The following KIFAP3 variants were observed in gnomAD, a reference collection of about 807,000 sequenced individuals.
KIFAP3 encodes kinesin-associated protein 3.
A neutral mutation model predicts 106.5 loss-of-function variants in KIFAP3; 68 were observed. That is an observed-to-expected ratio of 0.64 (90% CI 0.53 to 0.78). KIFAP3 has a LOEUF of 0.78. KIFAP3 is among the 30% of genes least tolerant of loss of function. KIFAP3 has a pLI of 0.00. For missense variants in KIFAP3, 780 were observed against 941.8 expected, an observed-to-expected ratio of 0.83 and a Z score of 2.25; for synonymous variants, 320 against 311.5, an observed-to-expected ratio of 1.03 and a Z score of -0.29.
chr1:170,058,191 T>C (rs954472447), intron 1 of KIFAP3, among the ~76,000 whole-genome samples: 1 of 152,212 alleles, frequency 6.6e-6, no homozygotes, highest in Non-Finnish European at 1.5e-5. Context: ...CACCCATTCA[T>C]TATCAATTTT....
At chr1:169,949,931 T>C (rs779007869) in intron 19 of KIFAP3, among the ~76,000 whole-genome samples, 4 of 152,136 alleles carry the variant, frequency 2.6e-5, no homozygotes, top group Non-Finnish European at 5.9e-5. Context: ...TCTTATAGAA[T>C]GGGATAGATG....
Position 169,986,837 on chromosome 1 carries a change from C to G in KIFAP3, c.1285-2147G>C, listed in dbSNP as rs151156936. Among the ~76,000 whole-genome samples the G allele has an allele frequency of 4.1e-4, 63 of 151,820 alleles. No individual in the cohort carries two copies. In the East Asian group the frequency reaches 0.011, roughly 26 times the overall value. ...TCAACCTTTGTAGTATGAAAATTAG[C>G]CTTAAACACAGGGCTACAGGTCATT... is the stretch of plus-strand genomic sequence containing the variant. On this transcript the variant is annotated intron_variant, in intron 11 of 19. Coordinates refer to ENST00000361580, the MANE Select transcript of KIFAP3 (RefSeq NM_014970.4).
At chr1:169,964,044 T>C (rs932801552) in intron 17 of KIFAP3, among the ~76,000 whole-genome samples, 3 of 152,146 alleles carry the variant, frequency 2.0e-5, no homozygotes, top group African/African-American at 4.8e-5. Context: ...AAATAGACTA[T>C]TCAGATATAA....
At chr1:170,013,988 C>T (rs1668380737) in intron 10 of KIFAP3, among the ~76,000 whole-genome samples, 1 of 152,136 alleles carries the variant, frequency 6.6e-6, no homozygotes, top group Non-Finnish European at 1.5e-5. Flanking sequence ...TCTATCATCA[C>T]CCACATCCAA....
chr1:170,026,829 G>A (rs531870051), intron 8 of KIFAP3, among the ~76,000 whole-genome samples: 5 of 152,256 alleles, frequency 3.3e-5, no homozygotes, highest in South Asian at 4.2e-4. Context: ...TCTTACCTCC[G>A]TAGTGGGAAA....
rs16862911 is a variant in KIFAP3, at chr1:170,001,596, A to G, written c.1184-9341T>C. ...AAATGTAGGTTTATTTATAGGATAAATGAGGCCTATTAAAATTGAGAAACA... is the reference window on the plus strand; with the variant it reads ...AAATGTAGGTTTATTTATAGGATAAGTGAGGCCTATTAAAATTGAGAAACA... On this transcript the variant is annotated intron_variant, in intron 10 of 19. Coordinates refer to ENST00000361580, the MANE Select transcript of KIFAP3 (RefSeq NM_014970.4). 1.7e-3 allele frequency among the ~76,000 whole-genome samples: 265 copies of G among 152,266 alleles called. 3 individuals carry two copies. In the East Asian group the frequency reaches 0.04, roughly 23 times the overall value.
At chr1:169,939,933 A>T (rs1390254806) in intron 19 of KIFAP3, among the ~76,000 whole-genome samples, 1 of 152,182 alleles carries the variant, frequency 6.6e-6, no homozygotes, top group Non-Finnish European at 1.5e-5. Context: ...GAAGTTTTGG[A>T]TAAAGGGAAT....
chr1:170,020,583 G>T (rs566122047), intron 9 of KIFAP3, among the ~76,000 whole-genome samples: 102 of 152,262 alleles, frequency 6.7e-4, no homozygotes, highest in African/African-American at 2.4e-3. Flanking sequence ...GAGTAGCTGG[G>T]ACTACAGGTG....
At chr1:170,060,674 T>A (rs180799925) in intron 1 of KIFAP3, among the ~76,000 whole-genome samples, 2 of 152,262 alleles carry the variant, frequency 1.3e-5, no homozygotes, top group Admixed American at 1.3e-4. Flanking sequence ...AAAGTTCACA[T>A]GGAACCAAAA....
intron 16 of KIFAP3, among the ~76,000 whole-genome samples, chr1:169,973,438 C>T (rs1666045051): frequency 5.9e-5 from 2 of 33,690 alleles, no homozygotes; most frequent in Admixed American, 8.0e-4. Flanking sequence ...AGAAAACTTT[C>T]CTGAAATTAA....
intron 19 of KIFAP3, among the ~76,000 whole-genome samples, chr1:169,926,426 T>C (rs533986087): frequency 2.0e-5 from 3 of 152,198 alleles, no homozygotes; most frequent in Non-Finnish European, 4.4e-5. Context: ...GTGATACTTA[T>C]GATGTGATCT....
rs1368795996 is a variant in KIFAP3, at chr1:169,966,085, TCTTA to T, written c.1984-4854_1984-4851del. Among the ~76,000 whole-genome samples the T allele has an allele frequency of 5.9e-5, 9 of 152,060 alleles. No homozygotes were observed. In the East Asian group the frequency reaches 1.7e-3, roughly 29 times the overall value. On this transcript the variant is annotated intron_variant, in intron 17 of 19. Transcript: ENST00000361580. ...AATGATACAGATTGTACTATCATTT[TCTTA>T]CTTAAAATAATTGTATTCTAACTTT...
At chr1:169,954,677 T>C (rs1179730540) in intron 18 of KIFAP3, among the ~76,000 whole-genome samples, 3 of 152,184 alleles carry the variant, frequency 2.0e-5, no homozygotes, top group Admixed American at 1.3e-4. Context: ...TTAGAAATCT[T>C]CATATAGTTT....
chr1:169,973,031 T>C (rs1666001423), intron 16 of KIFAP3, among the ~76,000 whole-genome samples: 1 of 145,260 alleles, frequency 6.9e-6, no homozygotes, highest in Non-Finnish European at 1.5e-5. Context: ...GAAGGCATGA[T>C]AAAACATTTT....
intron 2 of KIFAP3, among the ~76,000 whole-genome samples, chr1:170,053,285 A>G (rs1225174298): frequency 6.6e-6 from 1 of 152,194 alleles, no homozygotes; most frequent in Non-Finnish European, 1.5e-5. Flanking sequence ...TACAACTTAC[A>G]AGGTATGTGA....
At position 170,019,950 on chromosome 1, in the gene KIFAP3, G is replaced by C. The variant is rs572930691; in HGVS notation, c.1021-3326C>G. Among the ~76,000 whole-genome samples, 152 of 152,294 alleles carry C rather than the reference G, an allele frequency of 1.0e-3. No individual in the cohort carries two copies. In the Middle Eastern group the frequency reaches 0.017, roughly 17 times the overall value. On this transcript the variant is annotated intron_variant, in intron 9 of 19. Coordinates refer to ENST00000361580, the MANE Select transcript of KIFAP3 (RefSeq NM_014970.4). ...TAGAAAATCTCCAAAATCTGTGAGA[G>C]AGTCAGTACAACTAAAAAGTGTGTT... is the stretch of plus-strand genomic sequence containing the variant.
At chr1:169,924,329 G>A (rs965421489) in intron 19 of KIFAP3, among the ~76,000 whole-genome samples, 2 of 152,096 alleles carry the variant, frequency 1.3e-5, no homozygotes, top group Admixed American at 6.6e-5. Context: ...ACATCTGTGT[G>A]TATTACAGTG....
intron 9 of KIFAP3, among the ~76,000 whole-genome samples, chr1:170,016,918 C>G (rs934274288): frequency 1.3e-5 from 2 of 152,082 alleles, no homozygotes; most frequent in African/African-American, 4.8e-5. Context: ...AGTACCAGGC[C>G]CTATGCAAAG....
At chr1:170,003,604 T>G (rs1667778374) in intron 10 of KIFAP3, among the ~76,000 whole-genome samples, 1 of 18,216 alleles carries the variant, frequency 5.5e-5, no homozygotes, top group African/African-American at 7.6e-4. Context: ...TGCTGCCTTT[T>G]GTCTGTTTGT....
Sources: gnomAD v4.1 joint callset for allele counts (sites outside exome capture counted in the v4.1 genomes callset) on GRCh38, gnomAD v4.1.1 for gene constraint, MANE v1.5 for transcripts, NCBI Gene and HGNC (gene_info 2026-07-23, HGNC 2026-07-21) for gene names.